RADIL: variants seen among roughly 807,000 people sequenced by gnomAD.
The protein encoded by RADIL is ras-associating and dilute domain-containing protein.
RADIL carries 99 observed loss-of-function variants against 97.6 expected under a neutral mutation model. That is an observed-to-expected ratio of 1.01 (90% CI 0.86 to 1.20). The LOEUF (loss-of-function observed/expected upper bound fraction) is 1.20. RADIL is among the 50% of genes most tolerant of loss of function. The pLI, the probability that RADIL is intolerant of heterozygous loss-of-function variation, is 0.00. For synonymous variants in RADIL, 803 were observed against 691.8 expected (o/e 1.16, Z -2.52); for missense variants, 1,765 against 1,498.9 (o/e 1.18, Z -2.93).
At chr7:4,852,640 G>A (rs1395792457) in intron 2 of RADIL, among the ~76,000 whole-genome samples, 3 of 152,076 alleles carry the variant, frequency 2.0e-5, no homozygotes, top group Non-Finnish European at 4.4e-5. Flanking sequence ...TAGAGATGGG[G>A]GTCTTGCTAT....
At chr7:4,806,158 C>A in intron 9 of RADIL, 1 of 782,508 alleles carries the variant, frequency 1.3e-6, no homozygotes, top group Non-Finnish European at 1.6e-6. Context: ...TGTTTGTTTG[C>A]TTGTTTTTTG....
At chr7:4,803,407 C>G (rs1215011914) in intron 11 of RADIL, 139 bp downstream of exon 11, 3 of 710,762 alleles carry the variant, frequency 4.2e-6, no homozygotes, top group Non-Finnish European at 6.3e-6. Context: ...TCGGGGCACA[C>G]TGGCTGGGCC....
chr7:4,832,092 C>T (rs1258715248), intron 5 of RADIL, 49 bp downstream of exon 5: 1 of 1,601,950 alleles, frequency 6.2e-7, no homozygotes, highest in Admixed American at 1.7e-5. Flanking sequence ...AGTGTGAGCC[C>T]CCAGGACCTG....
In RADIL at chr7:4,815,154, G is replaced by A; in HGVS notation, c.2139+124C>T. On this transcript the variant is annotated intron_variant, in intron 9 of 14. Coordinates refer to ENST00000399583, the MANE Select transcript of RADIL (RefSeq NM_018059.5). The surrounding 1 kb of genome is among the most constrained non-coding windows in gnomAD (Gnocchi z 8.0). ...GAAGCAACTTTTCTGATTACCTACG[G>A]TAGCTTTGAGGTTTCCAGCCAAGAA... The A allele has an allele frequency of 8.2e-7, 1 of 1,215,402 alleles. No homozygotes were observed. The highest frequency in any genetic ancestry group is 1.6e-5 in the South Asian group (1 of 62,664). 75.3% of individuals were successfully genotyped at this position (1,215,402 alleles called of 1,614,324 possible).
chr7:4,810,537 C>T (rs2115178992), intron 9 of RADIL, among the ~76,000 whole-genome samples: 1 of 152,274 alleles, frequency 6.6e-6, no homozygotes. Flanking sequence ...CTTTATTCAT[C>T]CCTCATGTTG....
intron 2 of RADIL, among the ~76,000 whole-genome samples, chr7:4,856,672 T>G (rs966003593): frequency 6.6e-6 from 1 of 152,268 alleles, no homozygotes; most frequent in African/African-American, 2.4e-5. Flanking sequence ...GAACATGTCC[T>G]ATAAATCAGA....
intron 2 of RADIL, chr7:4,861,632 T>C (rs1784000824): frequency 1.9e-6 from 3 of 1,610,600 alleles, no homozygotes; most frequent in South Asian, 2.2e-5. Flanking sequence ...AATCCTGCGC[T>C]GCAGTTCCTC....
rs1321055954 is a variant in RADIL, at chr7:4,832,273, C to T, written c.1417-95G>A. ...CGATACCATCGACAGGAAAACAAGC[C>T]ATGCTGCCCCAGGCATCCTGTGTGA... On this transcript the variant is annotated intron_variant, in intron 4 of 14. Transcript: ENST00000399583. 3.2e-6 allele frequency: 4 copies of T among 1,250,230 alleles called. No individual in the cohort carries two copies. In the African/African-American group the frequency reaches 6.0e-5, roughly 19 times the overall value. The allele number at this position is 1,250,230 out of a possible 1,614,324, so 77.4% of individuals were successfully genotyped here.
In RADIL at chr7:4,808,429, T is replaced by C. The variant is rs1486673264; in HGVS notation, c.2140-2713A>G. On this transcript the variant is annotated intron_variant, in intron 9 of 14. Transcript: ENST00000399583. ...GTGACTCTTTCACTAAGCTTCTCCTTGAATTGTCTGTTTCAGGGGTCATCA... is the reference window on the plus strand; with the variant it reads ...GTGACTCTTTCACTAAGCTTCTCCTCGAATTGTCTGTTTCAGGGGTCATCA... 2.6e-5 allele frequency among the ~76,000 whole-genome samples: 4 copies of C among 152,330 alleles called. No individual in the cohort carries two copies. The East Asian group carries it at 7.7e-4, about 29-fold the overall frequency.
intron 9 of RADIL, among the ~76,000 whole-genome samples, chr7:4,807,229 C>A (rs1369190238): frequency 6.6e-6 from 1 of 152,056 alleles, no homozygotes; most frequent in African/African-American, 2.4e-5. Flanking sequence ...GAAGGATAAT[C>A]GGTGTCTCGG....
Position 4,805,678 on chromosome 7 carries a change from C to G in RADIL, c.2178G>C (p.Leu726=), listed in dbSNP as rs1480556508. The G allele has an allele frequency of 2.5e-6, 4 of 1,611,664 alleles. No individual in the cohort carries two copies. The highest frequency in any genetic ancestry group is 3.3e-5 in the Admixed American group (2 of 60,004). The part of the protein sequence containing the change: ...WTALRAAFPA[L]SPAQLHRLLT... ...GCAGCCGGTGCAGCTGTGCTGGGCTCAGTGCGGGGAACGCAGCCCGCAGGG... is the reference window on the plus strand; with the variant it reads ...GCAGCCGGTGCAGCTGTGCTGGGCTGAGTGCGGGGAACGCAGCCCGCAGGG... Residue 726 remains leucine (L), a synonymous_variant, in exon 10 of 15, where the codon CTG becomes CTC. Coordinates refer to ENST00000399583, the MANE Select transcript of RADIL (RefSeq NM_018059.5).
chr7:4,828,532 C>G (rs776807334), intron 5 of RADIL, among the ~76,000 whole-genome samples: 26 of 152,304 alleles, frequency 1.7e-4, no homozygotes, highest in Middle Eastern at 3.4e-3. Context: ...ATCACAGATG[C>G]AGAAAATGAT....
chr7:4,805,977 AG>A, intron 9 of RADIL: 1 of 985,442 alleles, frequency 1.0e-6, no homozygotes, highest in Non-Finnish European at 1.2e-6. Flanking sequence ...GTCTCAAGCA[AG>A]GGCCGGCCTC....
intron 2 of RADIL, among the ~76,000 whole-genome samples, chr7:4,871,728 A>G (rs762987159): frequency 2.7e-4 from 41 of 152,206 alleles, no homozygotes; most frequent in South Asian, 4.1e-4. Flanking sequence ...TTGCAGACGC[A>G]TAGGAGCTAA....
chr7:4,800,024 C>A (rs1430268891), intron 13 of RADIL, 147 bp downstream of exon 13: 1 of 1,273,456 alleles, frequency 7.9e-7, no homozygotes, highest in Non-Finnish European at 1.0e-6. Context: ...GGCTGGGTTC[C>A]CCTCCCAGCT....
At chr7:4,801,566 A>AG (rs1159457009) in intron 12 of RADIL, 87 bp downstream of exon 12, 12 of 1,409,182 alleles carry the variant, frequency 8.5e-6, no homozygotes, top group African/African-American at 1.5e-5. Context: ...CTAGGACCCA[A>AG]GGGGGGAACG....
Position 4,799,268 on chromosome 7 carries a change from A to C in RADIL, c.*110T>G. The C allele has an allele frequency of 2.0e-6, 2 of 1,011,688 alleles. No individual in the cohort carries two copies. The highest frequency in any genetic ancestry group is 3.0e-6 in the Non-Finnish European group (2 of 668,722). The allele number at this position is 1,011,688 out of a possible 1,614,324, so 62.7% of individuals were successfully genotyped here. On this transcript the variant is annotated 3_prime_UTR_variant, in exon 15 of 15. Transcript: ENST00000399583. ...GCATGTCCCCAGGGTGAGGCTCCCC[A>C]CCCGGGACCCAACTTGGTCAGTTAC...
chr7:4,836,387 G>A lies in RADIL; in HGVS notation c.754C>T (p.Leu252Phe), dbSNP rs1242304744. 1 of 1,575,342 alleles carries A rather than the reference G, an allele frequency of 6.3e-7. No individual in the cohort carries two copies. The highest frequency in any genetic ancestry group is 8.6e-7 in the Non-Finnish European group (1 of 1,160,358). The change falls in exon 3 of 15, where the codon CTC (leucine) becomes TTC (phenylalanine). Residue 252 changes from leucine (L) to phenylalanine (F), a missense_variant. Coordinates refer to ENST00000399583, the MANE Select transcript of RADIL (RefSeq NM_018059.5). Reference sequence around the variant, plus strand: ...TGCTGGCTGTAGCCCTGCAGAAGGAGCAGATGCGGGGACTGGTACAGCGAG... The same window carrying A: ...TGCTGGCTGTAGCCCTGCAGAAGGAACAGATGCGGGGACTGGTACAGCGAG... ...RYSLYQSPHL[L>F]LLQGYSQQHD... is the part of the protein sequence containing the mutation.
At position 4,820,118 on chromosome 7, in the gene RADIL, T is replaced by C. The variant is rs571608559; in HGVS notation, c.1615+2276A>G. On this transcript the variant is annotated intron_variant, in intron 6 of 14. Coordinates refer to ENST00000399583, the MANE Select transcript of RADIL (RefSeq NM_018059.5). ...CTGTGGGGGCCGGAACAAAAGGGGC[T>C]CCTAAGCTGGCCCCGTCCCCCTGTC... 1.4e-4 allele frequency among the ~76,000 whole-genome samples: 21 copies of C among 152,272 alleles called. No individual in the cohort carries two copies. The South Asian group carries it at 4.4e-3, about 32-fold the overall frequency.
Sources: allele counts gnomAD v4.1 joint callset (sites outside exome capture counted in the v4.1 genomes callset), GRCh38; gene constraint gnomAD v4.1.1; non-coding constraint Gnocchi (gnomAD v3.1); transcripts MANE v1.5; gene names NCBI Gene and HGNC (gene_info 2026-07-23, HGNC 2026-07-21).